Variants in CDT1 observed in about 807,000 individuals in gnomAD.
CDT1 encodes the protein chromatin licensing and DNA replication factor 1, also known as DNA replication factor Cdt1.
Under a neutral mutation model 49.3 loss-of-function variants are expected in CDT1, and 66 were observed. The ratio of observed to expected loss-of-function variants is 1.34; its 90% CI spans 1.10 to 1.64. The LOEUF (loss-of-function observed/expected upper bound fraction) is 1.64. Ranked by LOEUF, CDT1 falls within the 40% of genes most tolerant of loss-of-function variation. The pLI, the probability that CDT1 is intolerant of heterozygous loss-of-function variation, is 0.00. For synonymous variants in CDT1, 424 were observed against 347.4 expected (o/e 1.22, Z -2.45); for missense variants, 958 against 807.7 (o/e 1.19, Z -2.26).
rs1480590104 is a variant in CDT1, at chr16:88,807,473, A to G, written c.1468A>G (p.Met490Val). 1 of 1,612,934 alleles carries G rather than the reference A, an allele frequency of 6.2e-7. No individual in the cohort carries two copies. Among genetic ancestry groups the G allele is most frequent in the East Asian group, 2.2e-5 (1 of 44,900 alleles). ...ARMVGSCCTI[M>V]SPGEMEKHLL... ...GATGGTGGGCAGCTGTTGTACTATC[A>G]TGAGCCCTGGTACGTGCAGGGCGGG... Residue 490 changes from methionine (M) to valine (V), a missense_variant, in exon 9 of 10, where the codon ATG becomes GTG. Transcript: ENST00000301019.
rs761513270 is a variant in CDT1, at chr16:88,805,698, C to T, written c.687-26C>T. 7 of 1,612,752 alleles carry T rather than the reference C, an allele frequency of 4.3e-6. No homozygotes were observed. The South Asian group carries it at 6.6e-5, about 15-fold the overall frequency. ...GTTGGGGGTGGGCCCGGGCCTGCCT[C>T]CTGAGCCGCCCCCATCCTCCCATAG... is the stretch of plus-strand genomic sequence containing the variant. On this transcript the variant is annotated intron_variant, in intron 4 of 9. Coordinates refer to ENST00000301019, the MANE Select transcript of CDT1 (RefSeq NM_030928.4).
In CDT1 at chr16:88,806,137, C is replaced by G. The variant is rs778666891; in HGVS notation, c.933+16C>G. On this transcript the variant is annotated intron_variant, in intron 6 of 9. Coordinates refer to ENST00000301019, the MANE Select transcript of CDT1 (RefSeq NM_030928.4). ...GCACCACAAGGTGAGCGGCCCCCGG[C>G]CCCGCTGTGTGAAGATGGTGGCACC... is the stretch of plus-strand genomic sequence containing the variant. 1 of 1,571,596 alleles carries G rather than the reference C, an allele frequency of 6.4e-7. No individual in the cohort carries two copies.
rs201965856 is a variant in CDT1 at position 88,805,805 on chromosome 16, C to T, written c.768C>T (p.Pro256=). ...SYRFRQERSV[P]TFKDGTRRSD... is the part of the protein sequence containing the mutation. ...GCTTCCGCCAGGAGCGCAGTGTCCC[C>T]ACCTTCAAGGATGGCACCAGGAGGT... Residue 256 remains proline, a synonymous_variant, in exon 5 of 10, where the codon CCC becomes CCT. Transcript: ENST00000301019. 2.1e-4 allele frequency: 339 copies of T among 1,613,070 alleles called. 2 individuals carry two copies. Among genetic ancestry groups the T allele is most frequent in the Non-Finnish European group, 1.8e-4 (218 of 1,179,980 alleles).
intron 7 of CDT1, 118 bp from the exon 8 acceptor site, chr16:88,806,933 A>G (rs1196749444): frequency 1.4e-6 from 2 of 1,406,818 alleles, no homozygotes; most frequent in Admixed American, 3.4e-5. Flanking sequence ...TGACCGGCAC[A>G]GACCACCCAG....
At chr16:88,807,999 G>C in intron 9 of CDT1, 116 bp from the exon 10 acceptor site, 2 of 1,148,996 alleles carry the variant, frequency 1.7e-6, no homozygotes, top group Non-Finnish European at 2.6e-6. Flanking sequence ...CCTGGTGATG[G>C]GGCCCTGAGG....
Position 88,808,548 on chromosome 16 carries a change from TC to T in CDT1, c.*272del. ...CTGCTGGTGGGGAAGGGAAGCCAGA[TC>T]CAGCACCCCCTGGGGGGCCATCGGG... On this transcript the variant is annotated 3_prime_UTR_variant, in exon 10 of 10. Coordinates refer to ENST00000301019, the MANE Select transcript of CDT1 (RefSeq NM_030928.4). 1.9e-6 allele frequency: 1 copy of T among 526,670 alleles called. No individual in the cohort carries two copies. Among genetic ancestry groups the T allele is most frequent in the Non-Finnish European group, 3.4e-6 (1 of 294,848 alleles). 32.6% of individuals were successfully genotyped at this position (526,670 alleles called of 1,614,324 possible).
rs963195310 is a variant in CDT1 at position 88,808,572 on chromosome 16, G to A, written c.*294G>A. On this transcript the variant is annotated 3_prime_UTR_variant, in exon 10 of 10. Transcript: ENST00000301019. The stretch of plus-strand genomic sequence containing the variant: ...ATCCAGCACCCCCTGGGGGGCCATC[G>A]GGAGTGTGGCTGGGGGTGAAGGGGG... 2.0e-4 allele frequency: 99 copies of A among 489,726 alleles called. 1 individual carries two copies. Among genetic ancestry groups the A allele is most frequent in the Admixed American group, 5.7e-4 (16 of 28,230 alleles). 30.3% of individuals were successfully genotyped at this position (489,726 alleles called of 1,614,324 possible).
intron 1 of CDT1, 139 bp from the exon 2 acceptor site, chr16:88,804,406 C>G (rs1259252303): frequency 8.9e-7 from 1 of 1,129,126 alleles, no homozygotes; most frequent in Non-Finnish European, 1.3e-6. Flanking sequence ...GCACAGACCA[C>G]CATCTACGGG....
rs112314329 is a variant in CDT1 at position 88,808,336 on chromosome 16, C to G, written c.*58C>G. The G allele has an allele frequency of 9.2e-6, 14 of 1,521,494 alleles. No individual in the cohort carries two copies. The highest frequency in any genetic ancestry group is 2.0e-5 in the Admixed American group (1 of 50,252). 94.2% of individuals were successfully genotyped at this position (1,521,494 alleles called of 1,614,324 possible). A position where few individuals can be genotyped will look rare whatever the true frequency, so the allele number is the denominator to read the frequency against. ...CAGAAGCTCGCTGGCCTGGGCCCAC[C>G]AGCATTTTCTTTTATGAACATGATA... On this transcript the variant is annotated 3_prime_UTR_variant, in exon 10 of 10. Coordinates refer to ENST00000301019, the MANE Select transcript of CDT1 (RefSeq NM_030928.4).
Position 88,807,289 on chromosome 16 carries a change from C to G in CDT1, c.1284C>G (p.Ala428=). 6.2e-7 allele frequency: 1 copy of G among 1,612,208 alleles called. No individual in the cohort carries two copies. Among genetic ancestry groups the G allele is most frequent in the Non-Finnish European group, 8.5e-7 (1 of 1,179,908 alleles). The change falls in exon 9 of 10, where the codon GCC becomes GCG. Residue 428 remains alanine, a synonymous_variant. Coordinates refer to ENST00000301019, the MANE Select transcript of CDT1 (RefSeq NM_030928.4). ...CCCGGTACCTGCTGCAGATCCGAGC[C>G]AAGGAGGCACAGAAGCAGCTGGCAC... ...VSQDLLERIR[A]KEAQKQLAQM... is the part of the protein sequence containing the mutation.
Position 88,807,109 on chromosome 16 carries a change from C to T in CDT1, c.1181C>T (p.Ser394Phe), listed in dbSNP as rs1158525129. Residue 394 changes from serine to phenylalanine, a missense_variant, in exon 8 of 10, where the codon TCT becomes TTT. Ser to Phe is a radical substitution (Grantham distance 155). Coordinates refer to ENST00000301019, the MANE Select transcript of CDT1 (RefSeq NM_030928.4). ...TCTGCTGCGCCCAGCAGCCCCGGGT[C>T]TCCCAGGCCAGCACTGCCGGCTACC... Reference protein sequence around the residue: ...LRSAAPSSPGSPRPALPATPP... With the variant: ...LRSAAPSSPGFPRPALPATPP... 5 of 1,612,816 alleles carry T rather than the reference C, an allele frequency of 3.1e-6. No homozygotes were observed. The highest frequency in any genetic ancestry group is 1.1e-5 in the South Asian group (1 of 91,084).
chr16:88,806,674 G>C lies in CDT1; in HGVS notation c.1122G>C (p.Arg374Ser). Residue 374 changes from arginine to serine, a missense_variant and splice_region_variant, in exon 7 of 10, where the codon AGG (arginine) becomes AGC (serine). Coordinates refer to ENST00000301019, the MANE Select transcript of CDT1 (RefSeq NM_030928.4). ...GGGCCCGCAACCTGATTTCACCCAG[G>C]GTGAGACTGCGAGGCTTGGGCAGCC... ...LARARNLISP[R>S]MEKALSQLAL... is the part of the protein sequence containing the mutation. 1 of 1,604,276 alleles carries C rather than the reference G, an allele frequency of 6.2e-7. No individual in the cohort carries two copies. Among genetic ancestry groups the C allele is most frequent in the Non-Finnish European group, 8.5e-7 (1 of 1,176,714 alleles).
chr16:88,806,870 C>A (rs1157348070), intron 7 of CDT1, among the ~76,000 whole-genome samples, 181 bp from the exon 8 acceptor site: 3 of 152,248 alleles, frequency 2.0e-5, no homozygotes, highest in Non-Finnish European at 2.9e-5. Context: ...TGCCACTAGC[C>A]CCATGTGGGG....
At chr16:88,806,714 G>A in intron 7 of CDT1, 40 bp downstream of exon 7, 1 of 1,558,494 alleles carries the variant, frequency 6.4e-7, no homozygotes. Context: ...TCTCCCGGGT[G>A]GGTGGGCCAG....
Position 88,805,473 on chromosome 16 carries a change from T to C in CDT1, c.522T>C (p.His174=), listed in dbSNP as rs781458794. The change falls in exon 4 of 10, where the codon CAT becomes CAC. Residue 174 remains histidine, a synonymous_variant. Transcript: ENST00000301019. The stretch of plus-strand genomic sequence containing the variant: ...AGGCGCCCGCCTACCAGCGCTTCCA[T>C]GCCCTGGCCCAGCCCGGCCTGCCGG... The part of the protein sequence containing the change: ...GEKAPAYQRF[H]ALAQPGLPGL... The C allele has an allele frequency of 2.2e-5, 35 of 1,612,798 alleles. No individual in the cohort carries two copies. The highest frequency in any genetic ancestry group is 3.0e-5 in the Non-Finnish European group (35 of 1,179,944).
rs114651189 is a variant in CDT1 at position 88,807,562 on chromosome 16, A to G, written c.1477+80A>G. 1,540 of 1,336,704 alleles carry G rather than the reference A, an allele frequency of 1.2e-3. 15 individuals carry two copies. In the African/African-American group the frequency reaches 0.019, roughly 17 times the overall value. The allele number at this position is 1,336,704 out of a possible 1,614,324, so 82.8% of individuals were successfully genotyped here. The stretch of plus-strand genomic sequence containing the variant: ...GCTGCCTCCCCAGCTTTCTGAGCAG[A>G]GGTGTCTGTCACTGATCTGTTCTGT... On this transcript the variant is annotated intron_variant, in intron 9 of 9. Transcript: ENST00000301019.
At chr16:88,807,594 G>A (rs960256449) in intron 9 of CDT1, 112 bp downstream of exon 9, 2 of 1,088,558 alleles carry the variant, frequency 1.8e-6, no homozygotes, top group Non-Finnish European at 2.7e-6. Flanking sequence ...CTGTTCAGAT[G>A]TGCAGTGGGC....
rs1908835528 is a variant in CDT1, at chr16:88,805,845, A to G, written c.808A>G (p.Thr270Ala). The change falls in exon 5 of 10, where the codon ACC becomes GCC. Residue 270 changes from threonine to alanine, a missense_variant. Coordinates refer to ENST00000301019, the MANE Select transcript of CDT1 (RefSeq NM_030928.4). ...DGTRRSDYQLTIEPLLEQEAD... is the reference protein window; with the variant it reads ...DGTRRSDYQLAIEPLLEQEAD... ...CACCAGGAGGTCAGATTACCAGCTC[A>G]CCATCGAGCCACTGCTGGAGCAGGG... 2 of 1,612,330 alleles carry G rather than the reference A, an allele frequency of 1.2e-6. No individual in the cohort carries two copies. Among genetic ancestry groups the G allele is most frequent in the Non-Finnish European group, 1.7e-6 (2 of 1,179,642 alleles).
chr16:88,806,897 C>T (rs780187222), intron 7 of CDT1, among the ~76,000 whole-genome samples, 154 bp from the exon 8 acceptor site: 3 of 152,256 alleles, frequency 2.0e-5, no homozygotes, highest in Non-Finnish European at 4.4e-5. Context: ...CCTGGGCAGG[C>T]GATGCTGCAC....
Sources: gnomAD v4.1 joint callset for allele counts (sites outside exome capture counted in the v4.1 genomes callset) on GRCh38, gnomAD v4.1.1 for gene constraint, MANE v1.5 for transcripts, NCBI Gene and HGNC (gene_info 2026-07-23, HGNC 2026-07-21) for gene names.